Variants in TSTD1 observed in about 807,000 individuals in gnomAD.
TSTD1 encodes thiosulfate:glutathione sulfurtransferase.
TSTD1 carries 7 observed loss-of-function variants against 12.6 expected under a neutral mutation model. That is an observed-to-expected ratio of 0.55 (90% CI 0.32 to 1.04). The LOEUF (loss-of-function observed/expected upper bound fraction) is 1.04. Among genes scored for constraint, TSTD1 ranks in the 50% least tolerant of loss-of-function variants. The probability of loss-of-function intolerance (pLI) is 0.05; values close to 1 mark genes in which losing one functional copy is unlikely to be tolerated. For synonymous variants in TSTD1, 73 were observed against 59.7 expected, an observed-to-expected ratio of 1.22 and a Z score of -1.03; for missense variants, 156 against 151.0, an observed-to-expected ratio of 1.03 and a Z score of -0.17.
At chr1:161,038,479 A>C in intron 2 of TSTD1, 72 bp downstream of exon 2, 1 of 1,445,328 alleles carries the variant, frequency 6.9e-7, no homozygotes, top group South Asian at 1.4e-5. Flanking sequence ...ATCCTAAATG[A>C]GGTCCCATTG....
At chr1:161,038,484 C>T (rs1650324935) in intron 2 of TSTD1, 67 bp downstream of exon 2, 1 of 1,457,396 alleles carries the variant, frequency 6.9e-7, no homozygotes. Flanking sequence ...AAATGAGGTC[C>T]CATTGGCAAA....
chr1:161,038,471 C>A, intron 2 of TSTD1, 80 bp downstream of exon 2: 20 of 1,438,634 alleles, frequency 1.4e-5, no homozygotes, highest in Non-Finnish European at 1.9e-5. Context: ...CCCATTCCAT[C>A]CTAAATGAGG....
rs754595475 is a variant in TSTD1 at position 161,037,645 on chromosome 1, C to A, written c.*130G>T. 6.0e-4 allele frequency: 599 copies of A among 997,170 alleles called. 4 individuals are homozygous for A. Among genetic ancestry groups the A allele is most frequent in the Non-Finnish European group, 1.1e-4 (71 of 672,070 alleles). 61.8% of individuals were successfully genotyped at this position (997,170 alleles called of 1,614,324 possible). A position where few individuals can be genotyped will look rare whatever the true frequency, so the allele number is the denominator to read the frequency against. On this transcript the variant is annotated 3_prime_UTR_variant, in exon 4 of 4. Coordinates refer to ENST00000423014, the MANE Select transcript of TSTD1 (RefSeq NM_001113207.2). ...GCTTCCAATACTTTGATTAAATGTT[C>A]TTTATTTGATGCTTTTGTGTGCACA...
intron 1 of TSTD1, 98 bp downstream of exon 1, chr1:161,038,782 C>G (rs3766383): frequency 5.3e-6 from 8 of 1,519,516 alleles, no homozygotes; most frequent in Non-Finnish European, 7.1e-6. Context: ...GCACGAAGAC[C>G]CCTCAGCCAC....
At chr1:161,038,530 C>T (rs752122446) in intron 2 of TSTD1, 21 bp downstream of exon 2, 3 of 1,519,396 alleles carry the variant, frequency 2.0e-6, no homozygotes, top group Admixed American at 2.1e-5. Flanking sequence ...ACCACCTGGG[C>T]GTCCCCTCTC....
Position 161,038,020 on chromosome 1 carries a change from A to G in TSTD1, c.189T>C (p.Tyr63=). Residue 63 remains tyrosine (Y), a synonymous_variant, in exon 3 of 4, where the codon TAT becomes TAC. Coordinates refer to ENST00000423014, the MANE Select transcript of TSTD1 (RefSeq NM_001113207.2). ...CTTCCAGCTTTGGCTTCTCAGCAGA[A>G]TATAAAGCCTGGAAGGCAGCTGGCT... ...QMEPAAFQAL[Y]SAEKPKLEDE... 1 of 1,551,712 alleles carries G rather than the reference A, an allele frequency of 6.4e-7. No homozygotes were observed. The highest frequency in any genetic ancestry group is 8.7e-7 in the Non-Finnish European group (1 of 1,147,006).
At chr1:161,038,782 C>T in intron 1 of TSTD1, 98 bp downstream of exon 1, 1 of 1,519,516 alleles carries the variant, frequency 6.6e-7, no homozygotes, top group Non-Finnish European at 8.9e-7. Flanking sequence ...GCACGAAGAC[C>T]CCTCAGCCAC....
At position 161,037,674 on chromosome 1, in the gene TSTD1, C is replaced by A; in HGVS notation, c.*101G>T. ...ATTTGATGCTTTTGTGTGCACAACACTATAAGGAGTTGCCCAATTCACCAA... is the reference window on the plus strand; with the variant it reads ...ATTTGATGCTTTTGTGTGCACAACAATATAAGGAGTTGCCCAATTCACCAA... On this transcript the variant is annotated 3_prime_UTR_variant, in exon 4 of 4. Transcript: ENST00000423014. 1.6e-6 allele frequency: 2 copies of A among 1,248,430 alleles called. No individual in the cohort carries two copies. Among genetic ancestry groups the A allele is most frequent in the Admixed American group, 2.0e-5 (1 of 49,242 alleles). 77.3% of individuals were successfully genotyped at this position (1,248,430 alleles called of 1,614,324 possible).
chr1:161,038,745 C>G (rs10908821), intron 1 of TSTD1, 72 bp from the exon 2 acceptor site: 176,715 of 1,520,862 alleles, frequency 0.12, 11,076 homozygotes, highest in Non-Finnish European at 0.12. Flanking sequence ...ATCCCCTCAC[C>G]TGGCAGCGCC....
intron 1 of TSTD1, 101 bp downstream of exon 1, chr1:161,038,779 G>A: frequency 6.6e-7 from 1 of 1,519,640 alleles, no homozygotes; most frequent in Non-Finnish European, 8.9e-7. Context: ...TGTGCACGAA[G>A]ACCCCTCAGC....
Position 161,038,684 on chromosome 1 carries a change from G to C in TSTD1, c.11-11C>G, listed in dbSNP as rs1650342046. The C allele has an allele frequency of 6.5e-7, 1 of 1,541,958 alleles. No homozygotes were observed. ...GCGAGACCGTGGGCGCTGAGGAAGG[G>C]GCGCGACAGCCTTCAGGAAGAGGGG... On this transcript the variant is annotated splice_polypyrimidine_tract_variant and intron_variant, in intron 1 of 3. Transcript: ENST00000423014.
chr1:161,038,155 C>A, intron 2 of TSTD1, 80 bp from the exon 3 acceptor site: 1 of 1,419,336 alleles, frequency 7.0e-7, no homozygotes, highest in Non-Finnish European at 9.5e-7. Flanking sequence ...AGGGCTGGGT[C>A]CTGGGGGCCC....
intron 2 of TSTD1, 118 bp from the exon 3 acceptor site, chr1:161,038,193 AC>A: frequency 1.1e-6 from 1 of 951,994 alleles, no homozygotes; most frequent in African/African-American, 1.7e-5. Flanking sequence ...ACCATCCCCT[AC>A]CCCCACCCCA....
intron 1 of TSTD1, 39 bp downstream of exon 1, chr1:161,038,841 A>T (rs753213510): frequency 1.3e-6 from 2 of 1,548,010 alleles, no homozygotes; most frequent in South Asian, 2.4e-5. Context: ...AACCCAGAGG[A>T]CCAAGAGAAC....
intron 3 of TSTD1, 38 bp downstream of exon 3, chr1:161,037,872 GTCC>G: frequency 6.4e-7 from 1 of 1,551,752 alleles, no homozygotes; most frequent in Non-Finnish European, 8.7e-7. Flanking sequence ...ATGACAGGCA[GTCC>G]CCATCACCTC....
At position 161,037,787 on chromosome 1, in the gene TSTD1, C is replaced by G. The variant is rs547160033; in HGVS notation, c.336G>C (p.Glu112Asp). ...AGCTGCCTCCTGCCTAACTCTCTTT[C>G]TCCAACCATTCTCTATAGGCTCCAG... ...NYAGAYREWL[E>D]KES The change falls in exon 4 of 4, where the codon GAG becomes GAC. Residue 112 changes from glutamate (E) to aspartate (D), a missense_variant. By Grantham distance (45) the Glu-to-Asp change is conservative. Coordinates refer to ENST00000423014, the MANE Select transcript of TSTD1 (RefSeq NM_001113207.2). 6 of 1,551,774 alleles carry G rather than the reference C, an allele frequency of 3.9e-6. No homozygotes were observed. The African/African-American group carries it at 6.8e-5, about 18-fold the overall frequency.
intron 1 of TSTD1, 103 bp downstream of exon 1, chr1:161,038,777 A>T (rs1428122748): frequency 1.3e-6 from 2 of 1,519,732 alleles, no homozygotes; most frequent in Admixed American, 2.0e-5. Flanking sequence ...GGTGTGCACG[A>T]AGACCCCTCA....
At chr1:161,038,242 G>T in intron 2 of TSTD1, 167 bp from the exon 3 acceptor site, 1 of 749,968 alleles carries the variant, frequency 1.3e-6, no homozygotes, top group Non-Finnish European at 2.1e-6. Context: ...TTGAATGCAA[G>T]CCACTCCCTA....
In TSTD1 at chr1:161,037,742, C is replaced by T; in HGVS notation, c.*33G>A. On this transcript the variant is annotated 3_prime_UTR_variant, in exon 4 of 4. Transcript: ENST00000423014. ...CTTAGTTAAGGTGGCCATTAAGGGG[C>T]CAGGGGGTGGCAATCAGTAAGCTGC... is the stretch of plus-strand genomic sequence containing the variant. 4 of 1,551,542 alleles carry T rather than the reference C, an allele frequency of 2.6e-6. No homozygotes were observed. The highest frequency in any genetic ancestry group is 3.5e-6 in the Non-Finnish European group (4 of 1,146,866).
Sources: allele counts gnomAD v4.1 joint callset, GRCh38; gene constraint gnomAD v4.1.1; transcripts MANE v1.5; gene names NCBI Gene and HGNC (gene_info 2026-07-23, HGNC 2026-07-21).